SI: variants seen among roughly 807,000 people sequenced by gnomAD.
The protein encoded by SI is sucrase-isomaltase, also known as sucrase-isomaltase, intestinal.
Under a neutral mutation model 253.3 loss-of-function variants are expected in SI, and 235 were observed. That is an observed-to-expected ratio of 0.93 (90% CI 0.83 to 1.03). The LOEUF is 1.03. Among genes scored for constraint, SI ranks in the 50% least tolerant of loss-of-function variants. The pLI, the probability that SI is intolerant of heterozygous loss-of-function variation, is 0.00. For synonymous variants in SI, 819 were observed against 712.0 expected (o/e 1.15, Z -2.39); for missense variants, 2,442 against 2,211.1 (o/e 1.10, Z -2.09).
At chr3:165,039,266 A>C in intron 19 of SI, 132 bp from the exon 20 acceptor site, 1 of 633,006 alleles carries the variant, frequency 1.6e-6, no homozygotes. Flanking sequence ...TCCTATAGAT[A>C]ATAATCAAAG....
At chr3:165,047,332 T>C (rs948787634) in intron 15 of SI, among the ~76,000 whole-genome samples, 2 of 152,024 alleles carry the variant, frequency 1.3e-5, no homozygotes, top group Admixed American at 6.6e-5. Context: ...ACCTAAGATG[T>C]TACTTGCTTC....
rs748411877 is a variant in SI, at chr3:165,039,956, CG to C, written c.2174del (p.Thr725ArgfsTer22). On this transcript the variant is annotated frameshift_variant, in exon 19 of 48. Coordinates refer to ENST00000264382, the MANE Select transcript of SI (RefSeq NM_001041.4). LOFTEE classifies it high-confidence loss of function. ...RPVLHEFYED[T>X]NSWIEDTEFL... ...ACTCAGTGTCCTCAATCCAGCTGTT[CG>C]TATCCTCATAAAACCTAAGAACAAT... The C allele has an allele frequency of 6.2e-7, 1 of 1,612,278 alleles. No homozygotes were observed. The highest frequency in any genetic ancestry group is 1.1e-5 in the South Asian group (1 of 91,040).
At position 165,067,331 on chromosome 3, in the gene SI, T is replaced by A; in HGVS notation, c.635+9A>T. ...ATAAACTTATATAATTGTAAAATAA[T>A]ACACTTACAAAGTTTTACCGTTGCT... On this transcript the variant is annotated intron_variant, in intron 6 of 47. Coordinates refer to ENST00000264382, the MANE Select transcript of SI (RefSeq NM_001041.4). 6.3e-7 allele frequency: 1 copy of A among 1,586,876 alleles called. No homozygotes were observed. Among genetic ancestry groups the A allele is most frequent in the East Asian group, 2.2e-5 (1 of 44,458 alleles).
At chr3:165,025,896 T>C (rs1711888252) in intron 25 of SI, among the ~76,000 whole-genome samples, 1 of 151,192 alleles carries the variant, frequency 6.6e-6, no homozygotes, top group African/African-American at 2.4e-5. Flanking sequence ...CTTTAAAGCA[T>C]AAATCTCACA....
chr3:165,059,502 T>G (rs1713882884), intron 10 of SI, among the ~76,000 whole-genome samples: 2 of 152,028 alleles, frequency 1.3e-5, no homozygotes, highest in African/African-American at 4.8e-5. Context: ...CATTAAGTGA[T>G]TATTCATATT....
At chr3:165,005,856 C>T (rs1210953793) in intron 37 of SI, among the ~76,000 whole-genome samples, 1 of 152,100 alleles carries the variant, frequency 6.6e-6, no homozygotes, top group Non-Finnish European at 1.5e-5. Flanking sequence ...AAGTGATCCT[C>T]CCATCTCAGC....
Position 165,029,478 on chromosome 3 carries a change from CGTGCAT to C in SI, c.2892+1228_2892+1233del, listed in dbSNP as rs575987168. ...TAATTATACAAAAAAGATACTTGCA[CGTGCAT>C]GTTTATAGCAGCACAATTGCAATTG... On this transcript the variant is annotated intron_variant, in intron 25 of 47. Coordinates refer to ENST00000264382, the MANE Select transcript of SI (RefSeq NM_001041.4). Among the ~76,000 whole-genome samples, 104 of 149,498 alleles carry C rather than the reference CGTGCAT, an allele frequency of 7.0e-4. 1 individual carries two copies. Among genetic ancestry groups the C allele is most frequent in the African/African-American group, 2.5e-3 (102 of 41,102 alleles).
intron 9 of SI, 142 bp downstream of exon 9, chr3:165,062,229 G>A (rs981200361): frequency 8.4e-5 from 51 of 610,618 alleles, no homozygotes; most frequent in Non-Finnish European, 1.4e-4. Flanking sequence ...ACACCCAGCT[G>A]CATCTTAAAT....
chr3:165,009,151 G>C, intron 35 of SI, 128 bp downstream of exon 35: 2 of 675,142 alleles, frequency 3.0e-6, no homozygotes, highest in Non-Finnish European at 5.3e-6. Flanking sequence ...AGAAAGTTCT[G>C]TGGGGGAAAA....
rs181599163 is a variant in SI, at chr3:164,986,189, C to A, written c.5197+949G>T. The stretch of plus-strand genomic sequence containing the variant: ...TTTCTCAGAATAAAGGTCCCAGAAG[C>A]AACACTGGAAGAAAGTTTCTCTCTG... On this transcript the variant is annotated intron_variant, in intron 45 of 47. Coordinates refer to ENST00000264382, the MANE Select transcript of SI (RefSeq NM_001041.4). Among the ~76,000 whole-genome samples, 456 of 152,218 alleles carry A rather than the reference C, an allele frequency of 3.0e-3. 5 individuals carry two copies. The highest frequency in any genetic ancestry group is 0.011 in the African/African-American group (439 of 41,558).
intron 45 of SI, 94 bp from the exon 46 acceptor site, chr3:164,983,145 A>G: frequency 8.2e-7 from 1 of 1,220,028 alleles, no homozygotes; most frequent in Non-Finnish European, 1.1e-6. Context: ...CCCAGTATAA[A>G]AAGTAGCAAA....
chr3:165,053,383 C>T (rs1431820107), intron 13 of SI, among the ~76,000 whole-genome samples: 1 of 151,950 alleles, frequency 6.6e-6, no homozygotes, highest in African/African-American at 2.4e-5. Context: ...AGTTGAATAA[C>T]AACTTGTTTT....
At chr3:165,032,800 C>T in intron 23 of SI, 108 bp from the exon 24 acceptor site, 2 of 653,100 alleles carry the variant, frequency 3.1e-6, no homozygotes, top group Non-Finnish European at 5.3e-6. Flanking sequence ...CATCTCTATT[C>T]CCACCAGCTC....
At chr3:165,081,471 G>C (rs900518648), upstream of SI, among the ~76,000 whole-genome samples, 5 of 151,922 alleles carry the variant, frequency 3.3e-5, no homozygotes, top group African/African-American at 1.2e-4. Context: ...ACATATGGTA[G>C]TTAAATCATG....
chr3:165,089,541 A>G, the SI span, among the ~76,000 whole-genome samples: 90,862 of 151,944 alleles, frequency 0.6, 27,376 homozygotes, highest in East Asian at 0.81. Context: ...AGCAGAGAGA[A>G]GAAGGATCCT....
intron 21 of SI, 137 bp from the exon 22 acceptor site, chr3:165,036,614 A>G (rs746286036): frequency 2.6e-5 from 15 of 586,194 alleles, no homozygotes; most frequent in African/African-American, 5.6e-5. Context: ...ATAAATTTGT[A>G]TTTATATGTA....
chr3:165,053,442 C>A (rs1713536281), intron 13 of SI, among the ~76,000 whole-genome samples: 1 of 152,014 alleles, frequency 6.6e-6, no homozygotes, highest in Admixed American at 6.6e-5. Context: ...ATTAGATAAA[C>A]CACTTAGCAG....
chr3:164,981,908 A>G (rs747363618), intron 47 of SI, among the ~76,000 whole-genome samples: 22 of 152,164 alleles, frequency 1.4e-4, no homozygotes, highest in Non-Finnish European at 2.9e-4. Context: ...CATTTTCAAG[A>G]CATAGTCAAT....
intron 14 of SI, 33 bp downstream of exon 14, chr3:165,049,758 A>G (rs1339575244): frequency 2.5e-6 from 3 of 1,222,856 alleles, no homozygotes; most frequent in Non-Finnish European, 3.6e-6. Context: ...ATTCTCAATT[A>G]AAACAGTAAT....
Sources: gnomAD v4.1 joint callset for allele counts (sites outside exome capture counted in the v4.1 genomes callset) on GRCh38, gnomAD v4.1.1 for gene constraint, MANE v1.5 for transcripts, NCBI Gene and HGNC (gene_info 2026-07-23, HGNC 2026-07-21) for gene names.